Variants in PLB1 observed in about 807,000 individuals in gnomAD.
PLB1 encodes the protein phospholipase B1, membrane-associated.
Under a neutral mutation model 227.4 loss-of-function variants are expected in PLB1, and 242 were observed. The observed-to-expected ratio is 1.06, with a 90% CI of 0.96 to 1.18. The LOEUF (loss-of-function observed/expected upper bound fraction) is 1.18. Among genes scored for constraint, PLB1 ranks in the 50% most tolerant of loss-of-function variants. PLB1 has a pLI of 0.00. For synonymous variants in PLB1, 757 were observed against 682.2 expected, an observed-to-expected ratio of 1.11 and a Z score of -1.71; for missense variants, 1,858 against 1,816.3, an observed-to-expected ratio of 1.02 and a Z score of -0.42.
chr2:28,605,175 G>A (rs188815422), intron 41 of PLB1, among the ~76,000 whole-genome samples: 11 of 152,310 alleles, frequency 7.2e-5, no homozygotes, highest in East Asian at 1.9e-4. Context: ...GGTCTCTCTC[G>A]TGTGCAACGC....
intron 43 of PLB1, among the ~76,000 whole-genome samples, chr2:28,609,325 G>T (rs900192276): frequency 6.6e-6 from 1 of 152,034 alleles, no homozygotes; most frequent in Non-Finnish European, 1.5e-5. Flanking sequence ...CTCTCAATCT[G>T]TGTCTTCATT....
rs145070534 is a variant in PLB1, at chr2:28,525,602, G to C, written c.284+295G>C. 2.6e-3 allele frequency among the ~76,000 whole-genome samples: 395 copies of C among 152,284 alleles called. 4 individuals carry two copies. The highest frequency in any genetic ancestry group is 8.8e-3 in the African/African-American group (366 of 41,548). ...AAGCTCTACTTGCTCTGCTCTTGGG[G>C]AACCATGCAGGGCTGGGGCCAGGCT... is the stretch of plus-strand genomic sequence containing the variant. On this transcript the variant is annotated intron_variant, in intron 5 of 57. Transcript: ENST00000327757.
chr2:28,629,685 A>G (rs1351650125), intron 53 of PLB1, among the ~76,000 whole-genome samples: 6 of 152,210 alleles, frequency 3.9e-5, no homozygotes. Context: ...TACCTGGCCT[A>G]CCAAGACTAC....
At chr2:28,632,265 G>C in intron 55 of PLB1, 125 bp downstream of exon 55, 3 of 780,960 alleles carry the variant, frequency 3.8e-6, no homozygotes, top group Non-Finnish European at 6.1e-6. Flanking sequence ...ATTCCTGAGG[G>C]TGGCTTTTTC....
At chr2:28,637,805 C>T (rs11685988) in intron 56 of PLB1, among the ~76,000 whole-genome samples, 36,149 of 152,104 alleles carry the variant, frequency 0.24, 4,621 homozygotes, top group East Asian at 0.31. Context: ...TCAGGTGCCA[C>T]CTCCTGCAGG....
intron 1 of PLB1, among the ~76,000 whole-genome samples, chr2:28,500,612 A>C (rs550398654): frequency 2.4e-4 from 37 of 152,154 alleles, no homozygotes; most frequent in African/African-American, 8.7e-4. Flanking sequence ...TTAAATAAAT[A>C]TTTAACTGAA....
At chr2:28,604,858 A>C in intron 41 of PLB1, 99 bp downstream of exon 41, 1 of 1,099,452 alleles carries the variant, frequency 9.1e-7, no homozygotes, top group South Asian at 1.5e-5. Context: ...AATGGGAAAG[A>C]CACAGCTCTC....
Position 28,620,975 on chromosome 2 carries a change from C to G in PLB1, c.3524C>G (p.Ala1175Gly). 3 of 1,609,888 alleles carry G rather than the reference C, an allele frequency of 1.9e-6. No homozygotes were observed. Among genetic ancestry groups the G allele is most frequent in the South Asian group, 2.2e-5 (2 of 90,634 alleles). Residue 1175 changes from alanine (A) to glycine (G), a missense_variant, in exon 49 of 58, where the codon GCT (alanine) becomes GGT (glycine). Ala to Gly is a moderately conservative substitution (Grantham distance 60). Transcript: ENST00000327757. Reference protein sequence around the residue: ...GLNVAAEGARARDMPAQAWDL... With the variant: ...GLNVAAEGARGRDMPAQAWDL... ...AATGTGGCAGCGGAAGGGGCCAGAG[C>G]TAGGTGAGTAGATGCCGTACAGGAG...
At chr2:28,599,628 C>CT (rs1322467591) in intron 35 of PLB1, among the ~76,000 whole-genome samples, 1 of 152,192 alleles carries the variant, frequency 6.6e-6, no homozygotes, top group Non-Finnish European at 1.5e-5. Flanking sequence ...TAATTTTGGC[C>CT]TTTTTTTAGA....
intron 22 of PLB1, 105 bp from the exon 23 acceptor site, chr2:28,579,522 C>T (rs1679556094): frequency 1.2e-6 from 1 of 832,274 alleles, no homozygotes; most frequent in Non-Finnish European, 2.0e-6. Context: ...CCATGAGACA[C>T]TCTGGTGTGT....
intron 5 of PLB1, 130 bp downstream of exon 5, chr2:28,525,437 A>G: frequency 3.9e-6 from 4 of 1,035,764 alleles, no homozygotes; most frequent in Non-Finnish European, 4.2e-6. Context: ...ACCCTCTGAG[A>G]AGGTAGCAGA....
At chr2:28,523,412 A>C (rs917941138) in intron 4 of PLB1, among the ~76,000 whole-genome samples, 5 of 137,342 alleles carry the variant, frequency 3.6e-5, no homozygotes, top group African/African-American at 8.3e-5. Flanking sequence ...AATTCACTCT[A>C]TCAAATTCCT....
chr2:28,604,365 G>T (rs2148303738), intron 40 of PLB1, among the ~76,000 whole-genome samples: 1 of 152,292 alleles, frequency 6.6e-6, no homozygotes, highest in Non-Finnish European at 1.5e-5. Flanking sequence ...CACTCCAAAG[G>T]CAGGTGCCGA....
chr2:28,601,127 A>G, intron 36 of PLB1, 125 bp from the exon 37 acceptor site: 1 of 842,354 alleles, frequency 1.2e-6, no homozygotes, highest in Non-Finnish European at 1.9e-6. Flanking sequence ...CCTTCAGTTC[A>G]GAGATGCTGA....
rs536476788 is a variant in PLB1 at position 28,554,489 on chromosome 2, C to CTTTTTTTTTTT, written c.1147+1517_1147+1527dup. 6.3e-3 allele frequency among the ~76,000 whole-genome samples: 542 copies of CTTTTTTTTTTT among 85,384 alleles called. 49 individuals are homozygous for CTTTTTTTTTTT. Among genetic ancestry groups the CTTTTTTTTTTT allele is most frequent in the Non-Finnish European group, 6.4e-3 (308 of 47,804 alleles). 56.0% of individuals were successfully genotyped at this position (85,384 alleles called of 152,430 possible). ...CTACAGGCATTATCACCACACCTGC[C>CTTTTTTTTTTT]TTTTTTTTTTTTTTTTTTTTTTTTT... On this transcript the variant is annotated intron_variant, in intron 17 of 57. Transcript: ENST00000327757.
At chr2:28,534,507 A>C (rs1019194623) in intron 9 of PLB1, among the ~76,000 whole-genome samples, 4 of 152,230 alleles carry the variant, frequency 2.6e-5, no homozygotes, top group Non-Finnish European at 4.4e-5. Context: ...TTCTATATGG[A>C]TACTTGTACT....
At chr2:28,548,242 T>C (rs1673605491) in intron 14 of PLB1, among the ~76,000 whole-genome samples, 1 of 152,208 alleles carries the variant, frequency 6.6e-6, no homozygotes, top group Admixed American at 6.5e-5. Context: ...CAGATTTACC[T>C]ACATTTGGGT....
At chr2:28,640,009 A>G (rs1255186258) in intron 56 of PLB1, among the ~76,000 whole-genome samples, 2 of 152,216 alleles carry the variant, frequency 1.3e-5, no homozygotes, top group African/African-American at 4.8e-5. Context: ...TCCCAGGAAC[A>G]GAACTGCCCT....
At chr2:28,592,221 C>A (rs890315745) in intron 31 of PLB1, among the ~76,000 whole-genome samples, 4 of 152,262 alleles carry the variant, frequency 2.6e-5, no homozygotes, top group Non-Finnish European at 5.9e-5. Flanking sequence ...AAATTCAGAA[C>A]CCACCTTTAA....
Sources: allele counts gnomAD v4.1 joint callset (sites outside exome capture counted in the v4.1 genomes callset), GRCh38; gene constraint gnomAD v4.1.1; transcripts MANE v1.5; gene names NCBI Gene and HGNC (gene_info 2026-07-23, HGNC 2026-07-21).